The following NDST3 variants were observed in gnomAD, a reference collection of about 807,000 sequenced individuals.
The protein encoded by NDST3 is bifunctional heparan sulfate N-deacetylase/N-sulfotransferase 3.
In NDST3, 58 loss-of-function variants were observed where a neutral mutation model predicts 96.1. That is an observed-to-expected ratio of 0.60 (90% CI 0.49 to 0.75). The LOEUF is 0.75. NDST3 is among the 30% of genes least tolerant of loss of function. The pLI is 0.00. For synonymous variants in NDST3, 333 were observed against 359.7 expected (o/e 0.93, Z 0.84); for missense variants, 788 against 1,034.2 (o/e 0.76, Z 3.27).
intron 6 of NDST3, among the ~76,000 whole-genome samples, chr4:118,214,260 A>T (rs1362819230): frequency 1.3e-5 from 2 of 152,160 alleles, no homozygotes; most frequent in African/African-American, 4.8e-5. Context: ...CATTATCATG[A>T]TGGACTCTTG....
rs187730826 is a variant in NDST3 at position 118,129,536 on chromosome 4, G to C, written c.1225-8518G>C. Among the ~76,000 whole-genome samples, 9 of 151,978 alleles carry C rather than the reference G, an allele frequency of 5.9e-5. No homozygotes were observed. The East Asian group carries it at 1.7e-3, about 29-fold the overall frequency. The stretch of plus-strand genomic sequence containing the variant: ...TGTTGATTTCTAGTTTTATTCCATT[G>C]TTGTCAGAGAAGACGTTTGATATTG... On this transcript the variant is annotated intron_variant, in intron 4 of 13. Transcript: ENST00000296499.
intron 2 of NDST3, among the ~76,000 whole-genome samples, chr4:118,066,714 C>T (rs57304532): frequency 0.87 from 45 of 52 alleles, 19 homozygotes; most frequent in Non-Finnish European, 1. Flanking sequence ...TTATATATAA[C>T]ATGTTATATA....
At chr4:118,170,779 G>A (rs1409592451) in intron 6 of NDST3, among the ~76,000 whole-genome samples, 1 of 152,142 alleles carries the variant, frequency 6.6e-6, no homozygotes, top group Non-Finnish European at 1.5e-5. Context: ...AGTAATCAGA[G>A]AATAGGTAAA....
At chr4:118,233,982 T>C (rs1286266790) in intron 9 of NDST3, among the ~76,000 whole-genome samples, 1 of 152,180 alleles carries the variant, frequency 6.6e-6, no homozygotes, top group Admixed American at 6.5e-5. Context: ...GGAAAAGAAA[T>C]GGATTGAGTA....
intron 6 of NDST3, among the ~76,000 whole-genome samples, chr4:118,216,848 C>T (rs556938988): frequency 3.3e-5 from 5 of 151,978 alleles, no homozygotes; most frequent in African/African-American, 9.7e-5. Flanking sequence ...AAATAACTGA[C>T]CCTAGAATTT....
intron 2 of NDST3, among the ~76,000 whole-genome samples, chr4:118,059,834 T>C (rs1167409841): frequency 1.3e-5 from 2 of 152,174 alleles, no homozygotes; most frequent in Admixed American, 6.6e-5. Flanking sequence ...CTGTACATTG[T>C]ACATAGTATT....
Position 118,053,826 on chromosome 4 carries a change from G to C in NDST3, c.-85G>C, listed in dbSNP as rs1267886771. The C allele has an allele frequency of 1.3e-5, 19 of 1,439,576 alleles. No homozygotes were observed. Among genetic ancestry groups the C allele is most frequent in the Non-Finnish European group, 1.7e-5 (18 of 1,073,352 alleles). The allele number at this position is 1,439,576 out of a possible 1,614,324, so 89.2% of individuals were successfully genotyped here. A position where few individuals can be genotyped will look rare whatever the true frequency, so the allele number is the denominator to read the frequency against. ...AATGGTGACATAAACTCTTGACAGA[G>C]ATTGGAAAAGTAGCTGGAACACCAT... On this transcript the variant is annotated 5_prime_UTR_variant, in exon 2 of 14. Transcript: ENST00000296499.
chr4:118,238,098 G>A (rs1440430876), intron 10 of NDST3, among the ~76,000 whole-genome samples: 2 of 146,330 alleles, frequency 1.4e-5, no homozygotes, highest in East Asian at 4.0e-4. Flanking sequence ...CATGTACTGT[G>A]CAGAGGGAGA....
At chr4:118,165,640 T>C (rs1284245985) in intron 6 of NDST3, among the ~76,000 whole-genome samples, 1 of 151,992 alleles carries the variant, frequency 6.6e-6, no homozygotes. Context: ...TCACACAAAA[T>C]ACATTCCAGG....
intron 6 of NDST3, among the ~76,000 whole-genome samples, chr4:118,220,675 G>A (rs776018301): frequency 2.0e-5 from 3 of 151,936 alleles, no homozygotes; most frequent in Non-Finnish European, 4.4e-5. Context: ...ATGTCTGTAT[G>A]AACCAGTTCT....
rs1726210177 is a variant in NDST3, at chr4:118,065,205, T to C, written c.981+10314T>C. Among the ~76,000 whole-genome samples, 6 of 152,256 alleles carry C rather than the reference T, an allele frequency of 3.9e-5. No individual in the cohort carries two copies. In the South Asian group the frequency reaches 1.2e-3, roughly 32 times the overall value. On this transcript the variant is annotated intron_variant, in intron 2 of 13. Coordinates refer to ENST00000296499, the MANE Select transcript of NDST3 (RefSeq NM_004784.3). ...ACAAGCTATGCTCTTCAGGTAATCA[T>C]GCTACAATTCTTACAACGACTCAAC...
intron 6 of NDST3, among the ~76,000 whole-genome samples, chr4:118,177,461 C>T (rs1287926455): frequency 6.6e-6 from 1 of 151,948 alleles, no homozygotes; most frequent in Admixed American, 6.6e-5. Flanking sequence ...TATCAGTTTT[C>T]ATTTGGATAA....
At chr4:118,252,496 C>T (rs4834672) in intron 12 of NDST3, among the ~76,000 whole-genome samples, 44,569 of 152,104 alleles carry the variant, frequency 0.29, 6,911 homozygotes, top group East Asian at 0.52. Flanking sequence ...CCTTAAGTGT[C>T]AGAATGAAAC....
At position 118,188,288 on chromosome 4, in the gene NDST3, A is replaced by G. The variant is rs553428711; in HGVS notation, c.1540-36203A>G. 4.7e-5 allele frequency among the ~76,000 whole-genome samples: 7 copies of G among 148,136 alleles called. No individual in the cohort carries two copies. In the South Asian group the frequency reaches 1.3e-3, roughly 27 times the overall value. Reference sequence around the variant, plus strand: ...CCTATAAATATCATTAATATATGATATATTTATTATATATTATTAATATAT... The same window carrying G: ...CCTATAAATATCATTAATATATGATGTATTTATTATATATTATTAATATAT... On this transcript the variant is annotated intron_variant, in intron 6 of 13. Transcript: ENST00000296499.
At chr4:118,113,316 A>C (rs1427089672) in intron 3 of NDST3, among the ~76,000 whole-genome samples, 1 of 152,212 alleles carries the variant, frequency 6.6e-6, no homozygotes, top group East Asian at 1.9e-4. Flanking sequence ...GAAAAAAATA[A>C]AGAAAATAAA....
At chr4:118,061,289 A>T (rs562692228) in intron 2 of NDST3, among the ~76,000 whole-genome samples, 1 of 152,136 alleles carries the variant, frequency 6.6e-6, no homozygotes, top group South Asian at 2.1e-4. Flanking sequence ...CTTTACTCAA[A>T]TGTTACTTTC....
chr4:118,143,205 CCAATA>C (rs1733691982), intron 5 of NDST3, among the ~76,000 whole-genome samples: 1 of 152,008 alleles, frequency 6.6e-6, no homozygotes, highest in Admixed American at 6.6e-5. Context: ...CACAGACAAT[CCAATA>C]CTTTTTTTAA....
At chr4:118,117,085 C>T (rs1731192689) in intron 4 of NDST3, among the ~76,000 whole-genome samples, 1 of 152,054 alleles carries the variant, frequency 6.6e-6, no homozygotes, top group African/African-American at 2.4e-5. Flanking sequence ...GTTTTTGAAG[C>T]AGAAGAGAGT....
intron 4 of NDST3, among the ~76,000 whole-genome samples, chr4:118,115,953 T>C (rs993698036): frequency 8.5e-5 from 13 of 152,216 alleles, no homozygotes; most frequent in Admixed American, 7.2e-4. Context: ...CTTTGCCACA[T>C]ATTGATATTT....
Sources: allele counts gnomAD v4.1 joint callset (sites outside exome capture counted in the v4.1 genomes callset), GRCh38; gene constraint gnomAD v4.1.1; transcripts MANE v1.5; gene names NCBI Gene and HGNC (gene_info 2026-07-23, HGNC 2026-07-21).